The following CDC20B variants were observed in gnomAD, a reference collection of about 807,000 sequenced individuals.
The protein encoded by CDC20B is cell division cycle protein 20 homolog B.
CDC20B carries 58 observed loss-of-function variants against 64.1 expected under a neutral mutation model. The ratio of observed to expected loss-of-function variants is 0.90; its 90% CI spans 0.73 to 1.13. CDC20B has a LOEUF of 1.13. CDC20B is among the 50% of genes most tolerant of loss of function. The pLI, the probability that CDC20B is intolerant of heterozygous loss-of-function variation, is 0.00. For synonymous variants in CDC20B, 243 were observed against 230.6 expected (o/e 1.05, Z -0.49); for missense variants, 597 against 633.0 (o/e 0.94, Z 0.61).
At chr5:55,119,153 G>A (rs1157008868) in intron 11 of CDC20B, among the ~76,000 whole-genome samples, 3 of 152,160 alleles carry the variant, frequency 2.0e-5, no homozygotes, top group African/African-American at 4.8e-5. Flanking sequence ...ATTGGATGCC[G>A]GTGCCCTGTT....
At chr5:55,115,073 C>A (rs1263311740) in intron 11 of CDC20B, among the ~76,000 whole-genome samples, 1 of 152,152 alleles carries the variant, frequency 6.6e-6, no homozygotes, top group African/African-American at 2.4e-5. Context: ...CCAGAAGTAT[C>A]CCACTGGGCC....
At chr5:55,130,971 A>T (rs1743014128) in intron 6 of CDC20B, among the ~76,000 whole-genome samples, 1 of 151,910 alleles carries the variant, frequency 6.6e-6, no homozygotes, top group Non-Finnish European at 1.5e-5. Flanking sequence ...AAAATCAAAA[A>T]ATTACCTGGG....
chr5:55,127,185 A>G, intron 8 of CDC20B, 72 bp downstream of exon 8: 1 of 1,325,138 alleles, frequency 7.5e-7, no homozygotes, highest in Non-Finnish European at 1.1e-6. Context: ...TTTGAATATT[A>G]CAACTGTTTA....
intron 3 of CDC20B, among the ~76,000 whole-genome samples, chr5:55,144,015 G>C (rs1395083525): frequency 1.3e-5 from 2 of 148,608 alleles, no homozygotes; most frequent in African/African-American, 4.9e-5. Flanking sequence ...AAAAAAACCA[G>C]ATTTGCACAT....
At chr5:55,146,978 A>AT (rs928782391) in intron 2 of CDC20B, 122 bp from the exon 3 acceptor site, 6 of 430,808 alleles carry the variant, frequency 1.4e-5, no homozygotes, top group Non-Finnish European at 2.4e-5. Context: ...ATATAATGAG[A>AT]TTTTTTTAAT....
intron 2 of CDC20B, chr5:55,161,346 G>T: frequency 8.1e-7 from 1 of 1,235,194 alleles, no homozygotes; most frequent in Non-Finnish European, 1.1e-6. Flanking sequence ...CATTTGAAAC[G>T]TTGTATCGGG....
intron 2 of CDC20B, among the ~76,000 whole-genome samples, chr5:55,157,398 C>T (rs796188373): frequency 1.1e-4 from 17 of 152,290 alleles, no homozygotes; most frequent in African/African-American, 1.4e-4. Context: ...TGCTGTCCAG[C>T]GCACAAGTTC....
At chr5:55,121,676 G>A (rs1299902164) in intron 9 of CDC20B, among the ~76,000 whole-genome samples, 1 of 152,082 alleles carries the variant, frequency 6.6e-6, no homozygotes, top group Non-Finnish European at 1.5e-5. Context: ...ACTTTTTACA[G>A]CACCAGCATC....
rs115692904 is a variant in CDC20B, at chr5:55,119,649, C to G, written c.1459+152G>C. ...ATTCAGAAACATTCAACTATACGCT[C>G]TCTGAGGTAGGGTGGATGTAGGACT... On this transcript the variant is annotated intron_variant, in intron 11 of 11. Coordinates refer to ENST00000381375, the MANE Select transcript of CDC20B (RefSeq NM_001170402.1). 4.9e-3 allele frequency among the ~76,000 whole-genome samples: 748 copies of G among 152,272 alleles called. 1 individual carries two copies. The highest frequency in any genetic ancestry group is 0.017 in the Middle Eastern group (5 of 294).
At chr5:55,141,903 A>G (rs903635398) in intron 4 of CDC20B, among the ~76,000 whole-genome samples, 2 of 152,172 alleles carry the variant, frequency 1.3e-5, no homozygotes, top group African/African-American at 2.4e-5. Context: ...AGTTGTAACA[A>G]TGAAATGTCT....
intron 2 of CDC20B, chr5:55,170,591 C>G (rs749773363): frequency 1.9e-6 from 1 of 534,790 alleles, no homozygotes; most frequent in Non-Finnish European, 3.8e-6. Context: ...ATTCAACCAG[C>G]TAACAATACA....
At chr5:55,126,144 C>T (rs963961231) in intron 8 of CDC20B, among the ~76,000 whole-genome samples, 19 of 152,114 alleles carry the variant, frequency 1.2e-4, no homozygotes, top group Non-Finnish European at 2.1e-4. Context: ...GTTTTAAGAC[C>T]GGCCAAAAAC....
intron 3 of CDC20B, among the ~76,000 whole-genome samples, chr5:55,145,798 C>G (rs1743456078): frequency 6.6e-6 from 1 of 151,630 alleles, no homozygotes; most frequent in Non-Finnish European, 1.5e-5. Flanking sequence ...CTCCCCCCAT[C>G]CATCCCCTCA....
chr5:55,122,896 C>T (rs757764321), intron 9 of CDC20B, among the ~76,000 whole-genome samples: 3 of 152,156 alleles, frequency 2.0e-5, no homozygotes, highest in Non-Finnish European at 2.9e-5. Flanking sequence ...TGATCCTGAG[C>T]CAGAACTGCT....
rs575663564 is a variant in CDC20B at position 55,123,831 on chromosome 5, T to A, written c.1215+972A>T. On this transcript the variant is annotated intron_variant, in intron 9 of 11. Transcript: ENST00000381375. ...CATGAATACTGGGAATTTGGACCGATCATCATTCTCAATATCCTGTAGACA... is the reference window on the plus strand; with the variant it reads ...CATGAATACTGGGAATTTGGACCGAACATCATTCTCAATATCCTGTAGACA... Among the ~76,000 whole-genome samples, 9 of 152,330 alleles carry A rather than the reference T, an allele frequency of 5.9e-5. No homozygotes were observed. In the South Asian group the frequency reaches 1.9e-3, roughly 32 times the overall value.
At chr5:55,131,411 C>A (rs1025626657) in intron 6 of CDC20B, among the ~76,000 whole-genome samples, 1 of 152,096 alleles carries the variant, frequency 6.6e-6, no homozygotes, top group Non-Finnish European at 1.5e-5. Flanking sequence ...AAGGAACAGG[C>A]CTTGGGTACT....
At chr5:55,129,476 C>T (rs971722078) in intron 6 of CDC20B, among the ~76,000 whole-genome samples, 4 of 152,120 alleles carry the variant, frequency 2.6e-5, no homozygotes, top group African/African-American at 7.2e-5. Context: ...GACAAAAAGG[C>T]CACCATATTT....
chr5:55,127,444 G>T, intron 7 of CDC20B, 93 bp from the exon 8 acceptor site: 4 of 953,826 alleles, frequency 4.2e-6, no homozygotes, highest in East Asian at 2.4e-5. Context: ...TGCTGATATT[G>T]TTAGTTTTTG....
At chr5:55,125,268 T>C (rs1742856026) in intron 8 of CDC20B, among the ~76,000 whole-genome samples, 1 of 152,210 alleles carries the variant, frequency 6.6e-6, no homozygotes, top group Non-Finnish European at 1.5e-5. Flanking sequence ...CTTTGATAGA[T>C]GTTTCTAATG....
Sources: gnomAD v4.1 joint callset for allele counts (sites outside exome capture counted in the v4.1 genomes callset) on GRCh38, gnomAD v4.1.1 for gene constraint, MANE v1.5 for transcripts, NCBI Gene and HGNC (gene_info 2026-07-23, HGNC 2026-07-21) for gene names.